MYO1B: variants seen among roughly 807,000 people sequenced by gnomAD.
The protein encoded by MYO1B is unconventional myosin-Ib.
Under a neutral mutation model 159.7 loss-of-function variants are expected in MYO1B, and 72 were observed. That is an observed-to-expected ratio of 0.45 (90% CI 0.37 to 0.55). The LOEUF is 0.55. Ranked by LOEUF, MYO1B falls within the 20% of genes least tolerant of loss-of-function variation. MYO1B has a pLI of 0.00. For synonymous variants in MYO1B, 468 were observed against 473.8 expected, an observed-to-expected ratio of 0.99 and a Z score of 0.16; for missense variants, 1,062 against 1,364.8, an observed-to-expected ratio of 0.78 and a Z score of 3.50.
intron 21 of MYO1B, among the ~76,000 whole-genome samples, chr2:191,397,690 C>T (rs1029774799): frequency 6.9e-6 from 1 of 145,588 alleles, no homozygotes; most frequent in Non-Finnish European, 1.5e-5. Flanking sequence ...CATGGCCCAT[C>T]CCCAATGAGC....
intron 5 of MYO1B, among the ~76,000 whole-genome samples, chr2:191,342,189 C>A (rs1692265984): frequency 6.6e-6 from 1 of 152,144 alleles, no homozygotes; most frequent in Non-Finnish European, 1.5e-5. Flanking sequence ...TAGGTGGCTG[C>A]CATCTTGCTG....
At chr2:191,330,777 C>T (rs1458679932) in intron 4 of MYO1B, among the ~76,000 whole-genome samples, 3 of 151,980 alleles carry the variant, frequency 2.0e-5, no homozygotes, top group African/African-American at 4.8e-5. Flanking sequence ...ATGGTATTTT[C>T]GTAAAGTTTC....
chr2:191,322,292 G>T lies in MYO1B; in HGVS notation c.252-7643G>T, dbSNP rs377291670. On this transcript the variant is annotated intron_variant, in intron 3 of 30. Coordinates refer to ENST00000392318, the MANE Select transcript of MYO1B (RefSeq NM_001130158.3). ...GAGCGGCTTCCAGGCCCTCAAGACAGATGTTTCCTTCTCTCTGCTTTTATA... is the reference window on the plus strand; with the variant it reads ...GAGCGGCTTCCAGGCCCTCAAGACATATGTTTCCTTCTCTCTGCTTTTATA... Among the ~76,000 whole-genome samples, 102 of 152,250 alleles carry T rather than the reference G, an allele frequency of 6.7e-4. 2 individuals carry two copies. The South Asian group carries it at 0.021, about 31-fold the overall frequency.
At chr2:191,351,545 A>G (rs1353867867) in intron 7 of MYO1B, among the ~76,000 whole-genome samples, 1 of 152,218 alleles carries the variant, frequency 6.6e-6, no homozygotes, top group Non-Finnish European at 1.5e-5. Context: ...ATTGAATTGG[A>G]TGAATTCCAT....
Position 191,396,461 on chromosome 2 carries a change from C to T in MYO1B, c.2259C>T (p.Ser753=), listed in dbSNP as rs200956243. ...QQKRYQQTKS[S]ALVIQSYIRG... is the part of the protein sequence containing the mutation. ...AGAGGTACCAGCAGACAAAGAGTTC[C>T]GCCTTAGTAATTCAGTCTTATATCC... is the stretch of plus-strand genomic sequence containing the variant. Residue 753 remains serine (S), a synonymous_variant, in exon 21 of 31, where the codon TCC becomes TCT. Transcript: ENST00000392318. 25 of 1,613,992 alleles carry T rather than the reference C, an allele frequency of 1.5e-5. No individual in the cohort carries two copies. The highest frequency in any genetic ancestry group is 2.2e-5 in the East Asian group (1 of 44,888).
At chr2:191,383,543 CACACAT>C (rs10534074) in intron 15 of MYO1B, among the ~76,000 whole-genome samples, 76,703 of 107,346 alleles carry the variant, frequency 0.71, 30,430 homozygotes, top group Non-Finnish European at 0.9. Context: ...CACACACACA[CACACAT>C]ATATATATAT....
chr2:191,257,655 T>C (rs991049189), intron 1 of MYO1B, among the ~76,000 whole-genome samples: 2 of 152,210 alleles, frequency 1.3e-5, no homozygotes, highest in African/African-American at 4.8e-5. Flanking sequence ...TTCTTGGCAG[T>C]GGCATTTTAT....
At chr2:191,317,868 T>C (rs895176860) in intron 3 of MYO1B, among the ~76,000 whole-genome samples, 18 of 152,372 alleles carry the variant, frequency 1.2e-4, no homozygotes, top group African/African-American at 4.3e-4. Flanking sequence ...ATATGTCTAC[T>C]GAAATAACAT....
intron 12 of MYO1B, 101 bp from the exon 13 acceptor site, chr2:191,370,126 A>C (rs1694264659): frequency 5.2e-6 from 4 of 770,010 alleles, no homozygotes; most frequent in African/African-American, 1.8e-5. Context: ...TTTCTTACTT[A>C]AGAAACATAA....
At chr2:191,245,851 G>C (rs975749111) in intron 1 of MYO1B, 1 of 152,184 alleles carries the variant, frequency 6.6e-6, no homozygotes, top group Non-Finnish European at 1.5e-5. Context: ...CAGTGGCTTC[G>C]GGGGTGGCGG....
intron 2 of MYO1B, among the ~76,000 whole-genome samples, chr2:191,294,843 C>T (rs1688887390): frequency 6.6e-6 from 1 of 151,310 alleles, no homozygotes. Flanking sequence ...GGAGAAAGTC[C>T]TTCATAATTA....
chr2:191,350,400 T>A, intron 7 of MYO1B, 175 bp downstream of exon 7: 1 of 437,102 alleles, frequency 2.3e-6, no homozygotes, highest in Non-Finnish European at 4.0e-6. Flanking sequence ...AATTTATAAA[T>A]CTTTTTAAAG....
intron 4 of MYO1B, among the ~76,000 whole-genome samples, chr2:191,341,031 C>T (rs943830829): frequency 2.5e-4 from 38 of 151,980 alleles, no homozygotes; most frequent in African/African-American, 3.6e-4. Flanking sequence ...GCCGAGCAAA[C>T]GACTTGGAAC....
intron 13 of MYO1B, among the ~76,000 whole-genome samples, chr2:191,380,127 T>C (rs1319484981): frequency 2.0e-5 from 3 of 152,348 alleles, no homozygotes; most frequent in African/African-American, 7.2e-5. Context: ...AGTTTAAAAT[T>C]TCCTCTGATC....
At chr2:191,336,036 G>A (rs1481375224) in intron 4 of MYO1B, among the ~76,000 whole-genome samples, 1 of 152,100 alleles carries the variant, frequency 6.6e-6, no homozygotes, top group Non-Finnish European at 1.5e-5. Context: ...ATGGTTTGTG[G>A]AGAACCTTTC....
chr2:191,355,705 G>A (rs938625640), intron 7 of MYO1B, among the ~76,000 whole-genome samples: 6 of 152,130 alleles, frequency 3.9e-5, no homozygotes, highest in Non-Finnish European at 5.9e-5. Context: ...CTCTGTGCAC[G>A]GCCGTTTCCT....
intron 2 of MYO1B, among the ~76,000 whole-genome samples, chr2:191,281,376 ATTTGC>A (rs759736027): frequency 2.6e-5 from 4 of 152,162 alleles, no homozygotes; most frequent in South Asian, 2.1e-4. Flanking sequence ...CAGAGACTCT[ATTTGC>A]TTTTTATTCC....
rs935220228 is a variant in MYO1B, at chr2:191,337,083, G to A, written c.347-4378G>A. On this transcript the variant is annotated intron_variant, in intron 4 of 30. Transcript: ENST00000392318. ...CACAATAATCCTTGCCTATTCTCAAGCCTTTTTTCCCCCAATGCAGTGATT... is the reference window on the plus strand; with the variant it reads ...CACAATAATCCTTGCCTATTCTCAAACCTTTTTTCCCCCAATGCAGTGATT... Among the ~76,000 whole-genome samples, 5 of 152,196 alleles carry A rather than the reference G, an allele frequency of 3.3e-5. No individual in the cohort carries two copies. The South Asian group carries it at 8.3e-4, about 25-fold the overall frequency.
At chr2:191,400,310 G>GT (rs1032611671) in intron 21 of MYO1B, 72 bp from the exon 22 acceptor site, 2,733 of 1,462,092 alleles carry the variant, frequency 1.9e-3, no homozygotes, top group Non-Finnish European at 2.3e-3. Flanking sequence ...ATCTCTTCAG[G>GT]TTTTTTTTTC....
Sources: gnomAD v4.1 joint callset for allele counts (sites outside exome capture counted in the v4.1 genomes callset) on GRCh38, gnomAD v4.1.1 for gene constraint, MANE v1.5 for transcripts, NCBI Gene and HGNC (gene_info 2026-07-23, HGNC 2026-07-21) for gene names.